NOC3L: variants seen among roughly 807,000 people sequenced by gnomAD.
NOC3L encodes NOC3 like DNA replication regulator, also known as nucleolar complex protein 3 homolog.
NOC3L carries 85 observed loss-of-function variants against 102.5 expected under a neutral mutation model. That is an observed-to-expected ratio of 0.83 (90% CI 0.70 to 0.99). The LOEUF (loss-of-function observed/expected upper bound fraction) is 0.99. NOC3L is among the 50% of genes least tolerant of loss of function. NOC3L has a pLI of 0.00. For synonymous variants in NOC3L, 303 were observed against 309.4 expected (o/e 0.98, Z 0.22); for missense variants, 878 against 914.9 (o/e 0.96, Z 0.52).
chr10:94,333,954 A>C lies in NOC3L; in HGVS notation c.*223T>G. ...AGCATCATCAAGAAAGTAATTTCCA[A>C]ATACTGGGGAGAAAAAAAGGCTTTT... On this transcript the variant is annotated 3_prime_UTR_variant, in exon 21 of 21. Coordinates refer to ENST00000371361, the MANE Select transcript of NOC3L (RefSeq NM_022451.11). 3.1e-6 allele frequency: 1 copy of C among 327,326 alleles called. No homozygotes were observed. Among genetic ancestry groups the C allele is most frequent in the Non-Finnish European group, 5.5e-6 (1 of 182,202 alleles). 20.3% of individuals were successfully genotyped at this position (327,326 alleles called of 1,614,324 possible).
downstream of NOC3L, chr10:94,331,869 CTTT>C (rs36054579): frequency 0.011 from 1,363 of 119,054 alleles, 13 homozygotes; most frequent in African/African-American, 0.032. Flanking sequence ...CCAAGTTATT[CTTT>C]TTTTTTTTTT....
chr10:94,350,217 C>A lies in NOC3L; in HGVS notation c.1024G>T (p.Ala342Ser), dbSNP rs142493625. The stretch of plus-strand genomic sequence containing the variant: ...AACAGCTCACACAAGCTCTTCACAG[C>A]GACTTCTGCCAGTCCTTTGTATGCC... The part of the protein sequence containing the change: ...LKAYKGLAEV[A>S]VKSLCELLVA... Residue 342 changes from alanine (A) to serine (S), a missense_variant, in exon 9 of 21, where the codon GCT (alanine) becomes TCT (serine). Transcript: ENST00000371361. 6.2e-6 allele frequency: 10 copies of A among 1,614,024 alleles called. No individual in the cohort carries two copies. In the East Asian group the frequency reaches 6.7e-5, roughly 11 times the overall value.
intron 2 of NOC3L, among the ~76,000 whole-genome samples, chr10:94,359,025 C>G (rs1318021227): frequency 6.6e-6 from 1 of 151,494 alleles, no homozygotes; most frequent in Non-Finnish European, 1.5e-5. Flanking sequence ...AAAAAAAAGT[C>G]AACTAAGTGC....
chr10:94,327,093 C>T, the NOC3L span, among the ~76,000 whole-genome samples: 3 of 152,042 alleles, frequency 2.0e-5, no homozygotes, highest in Non-Finnish European at 2.9e-5. Context: ...ACCCGGGAGA[C>T]GGAGGTTGCA....
In NOC3L at chr10:94,357,346, A is replaced by C; in HGVS notation, c.351-15T>G. The C allele has an allele frequency of 6.4e-7, 1 of 1,550,846 alleles. No homozygotes were observed. Among genetic ancestry groups the C allele is most frequent in the South Asian group, 1.3e-5 (1 of 79,596 alleles). On this transcript the variant is annotated splice_polypyrimidine_tract_variant and intron_variant, in intron 3 of 20. Coordinates refer to ENST00000371361, the MANE Select transcript of NOC3L (RefSeq NM_022451.11). ...GAACAGGCTCACTGCAGGGGAAAAA[A>C]AGATCAATTTTCAGTCTTAATAGAT...
At chr10:94,315,298 C>T in the NOC3L span, 1 of 420,078 alleles carries the variant, frequency 2.4e-6, no homozygotes, top group Non-Finnish European at 4.7e-6. Context: ...TCGCTCTGGG[C>T]TTTGCCTTAT....
At chr10:94,318,232 C>T in the NOC3L span, among the ~76,000 whole-genome samples, 7 of 152,216 alleles carry the variant, frequency 4.6e-5, no homozygotes, top group Admixed American at 2.0e-4. Context: ...AGAGACCAGG[C>T]AACCCTAATA....
chr10:94,315,702 G>A, the NOC3L span, among the ~76,000 whole-genome samples: 6 of 151,224 alleles, frequency 4.0e-5, no homozygotes, highest in Non-Finnish European at 5.9e-5. Flanking sequence ...CTGGGAAGGC[G>A]GAGGTTGCAG....
At chr10:94,355,391 C>CTTT (rs200203754) in intron 5 of NOC3L, among the ~76,000 whole-genome samples, 1 of 139,624 alleles carries the variant, frequency 7.2e-6, no homozygotes, top group Non-Finnish European at 1.6e-5. Context: ...GATTCTAGAA[C>CTTT]TTTTTTTTTT....
intron 6 of NOC3L, 27 bp downstream of exon 6, chr10:94,354,936 G>C: frequency 6.2e-7 from 1 of 1,606,816 alleles, no homozygotes; most frequent in Non-Finnish European, 8.5e-7. Context: ...CTAATACAAA[G>C]AGCCTAAAGA....
chr10:94,337,867 T>G lies in NOC3L; in HGVS notation c.2099A>C (p.Tyr700Ser). 6.2e-7 allele frequency: 1 copy of G among 1,613,308 alleles called. No individual in the cohort carries two copies. The highest frequency in any genetic ancestry group is 8.5e-7 in the Non-Finnish European group (1 of 1,179,286). ...TGCAAATCTCTGCACTATGGGATGA[T>G]AATGCCTCTGAAGGGAAAACGGGAC... ...LWELHALRRH[Y>S]HPIVQRFAAH... is the part of the protein sequence containing the mutation. The change falls in exon 19 of 21, where the codon TAT becomes TCT. Residue 700 changes from tyrosine (Y) to serine (S), a missense_variant. Physicochemically the swap from Tyr to Ser is moderately radical, Grantham distance 144. Coordinates refer to ENST00000371361, the MANE Select transcript of NOC3L (RefSeq NM_022451.11).
At chr10:94,324,163 G>A in the NOC3L span, among the ~76,000 whole-genome samples, 35,122 of 152,134 alleles carry the variant, frequency 0.23, 4,154 homozygotes, top group Middle Eastern at 0.41. Context: ...AGCTAAATGA[G>A]GTAACGTGGG....
chr10:94,361,139 AAT>A (rs1330845483), intron 2 of NOC3L, among the ~76,000 whole-genome samples: 2 of 152,250 alleles, frequency 1.3e-5, no homozygotes, highest in East Asian at 1.9e-4. Context: ...CCTGACTCAA[AAT>A]AGTCATATTC....
chr10:94,335,728 A>G (rs1045611578), intron 19 of NOC3L, among the ~76,000 whole-genome samples: 3 of 152,220 alleles, frequency 2.0e-5, no homozygotes, highest in African/African-American at 4.8e-5. Flanking sequence ...AAAAGACAGC[A>G]ACTAATTCAA....
At chr10:94,329,835 G>C (rs1405705576), downstream of NOC3L, 3 of 122,224 alleles carry the variant, frequency 2.5e-5, no homozygotes, top group Non-Finnish European at 4.9e-5. Context: ...TCATGTCATT[G>C]AAAGTTCTTA....
chr10:94,336,875 C>A (rs2054225335), intron 19 of NOC3L, among the ~76,000 whole-genome samples: 1 of 151,490 alleles, frequency 6.6e-6, no homozygotes, highest in South Asian at 2.1e-4. Flanking sequence ...TCGAGACCAG[C>A]CTGGCCAGCA....
At chr10:94,335,177 A>T (rs914419383) in intron 19 of NOC3L, among the ~76,000 whole-genome samples, 1 of 152,240 alleles carries the variant, frequency 6.6e-6, no homozygotes, top group Non-Finnish European at 1.5e-5. Flanking sequence ...CATGGCGTGT[A>T]AATGAATCCT....
downstream of NOC3L, chr10:94,329,014 T>C (rs769635507): frequency 5.9e-5 from 9 of 152,230 alleles, no homozygotes; most frequent in East Asian, 3.8e-4. Flanking sequence ...ACTATACTTA[T>C]ATATTTATTA....
At chr10:94,316,503 A>T in the NOC3L span, 1 of 1,249,742 alleles carries the variant, frequency 8.0e-7, no homozygotes, top group Non-Finnish European at 1.2e-6. Context: ...GATTTGTTTT[A>T]AGTTTTTGCC....
Sources: gnomAD v4.1 joint callset for allele counts (sites outside exome capture counted in the v4.1 genomes callset) on GRCh38, gnomAD v4.1.1 for gene constraint, MANE v1.5 for transcripts, NCBI Gene and HGNC (gene_info 2026-07-23, HGNC 2026-07-21) for gene names.